Variants in C19orf81 observed in about 807,000 individuals in gnomAD.
C19orf81 encodes the protein putative uncharacterized protein C19orf81.
C19orf81 carries 19 observed loss-of-function variants against 22.1 expected under a neutral mutation model. The ratio of observed to expected loss-of-function variants is 0.86; its 90% confidence interval spans 0.60 to 1.26. C19orf81 has a LOEUF of 1.26. C19orf81 is among the 50% of genes most tolerant of loss of function. C19orf81 has a pLI of 0.00. For synonymous variants in C19orf81, 108 were observed against 113.1 expected (o/e 0.95, Z 0.29); for missense variants, 287 against 280.7 (o/e 1.02, Z -0.16).
At position 50,659,074 on chromosome 19, in the gene C19orf81, C is replaced by A. The variant is rs1183268143; in HGVS notation, c.529C>A (p.Leu177Met). 6.6e-7 allele frequency: 1 copy of A among 1,517,712 alleles called. No homozygotes were observed. The highest frequency in any genetic ancestry group is 8.8e-7 in the Non-Finnish European group (1 of 1,137,546). The allele number at this position is 1,517,712 out of a possible 1,614,324, so 94.0% of individuals were successfully genotyped here. A position where few individuals can be genotyped will look rare whatever the true frequency, so the allele number is the denominator to read the frequency against. Reference sequence around the variant, plus strand: ...CCTGCTGGGCGACTACCGCCTGCACCTGCGCCGCTCCCTGGTCCGGCGGCG... The same window carrying A: ...CCTGCTGGGCGACTACCGCCTGCACATGCGCCGCTCCCTGGTCCGGCGGCG... The part of the protein sequence containing the change: ...DLLLGDYRLH[L>M]RRSLVRRRML... The change falls in exon 5 of 5, where the codon CTG (leucine) becomes ATG (methionine). Residue 177 changes from leucine to methionine, a missense_variant. Transcript: ENST00000425202.
In C19orf81 at chr19:50,659,080, C is replaced by G. The variant is rs755959661; in HGVS notation, c.535C>G (p.Arg179Gly). 3 of 1,514,008 alleles carry G rather than the reference C, an allele frequency of 2.0e-6. No individual in the cohort carries two copies. Among genetic ancestry groups the G allele is most frequent in the Non-Finnish European group, 2.6e-6 (3 of 1,135,508 alleles). 93.8% of individuals were successfully genotyped at this position (1,514,008 alleles called of 1,614,324 possible). Residue 179 changes from arginine (R) to glycine (G), a missense_variant, in exon 5 of 5, where the codon CGC becomes GGC. Coordinates refer to ENST00000425202, the MANE Select transcript of C19orf81 (RefSeq NM_001195076.2). ...LLGDYRLHLRRSLVRRRMLEA... is the reference protein window; with the variant it reads ...LLGDYRLHLRGSLVRRRMLEA... ...GGGCGACTACCGCCTGCACCTGCGC[C>G]GCTCCCTGGTCCGGCGGCGCATGCT... is the stretch of plus-strand genomic sequence containing the variant.
chr19:50,659,150 G>C lies in C19orf81; in HGVS notation c.*8G>C. The C allele has an allele frequency of 1.5e-6, 2 of 1,315,142 alleles. No homozygotes were observed. Among genetic ancestry groups the C allele is most frequent in the Non-Finnish European group, 1.9e-6 (2 of 1,033,894 alleles). 81.5% of individuals were successfully genotyped at this position (1,315,142 alleles called of 1,614,324 possible). On this transcript the variant is annotated 3_prime_UTR_variant, in exon 5 of 5. Coordinates refer to ENST00000425202, the MANE Select transcript of C19orf81 (RefSeq NM_001195076.2). ...CCGAACGAGGAGGCCTGACGCCCGGGCGGGCCCCGGCAGCGCTTGCGCACC... is the reference window on the plus strand; with the variant it reads ...CCGAACGAGGAGGCCTGACGCCCGGCCGGGCCCCGGCAGCGCTTGCGCACC...
intron 1 of C19orf81, among the ~76,000 whole-genome samples, chr19:50,651,528 C>G (rs1424203725): frequency 6.6e-6 from 1 of 151,998 alleles, no homozygotes; most frequent in Non-Finnish European, 1.5e-5. Context: ...ATCTCTTGGT[C>G]CCCAGCATCC....
rs936544902 is a variant in C19orf81, at chr19:50,659,148, G to C, written c.*6G>C. On this transcript the variant is annotated 3_prime_UTR_variant, in exon 5 of 5. Coordinates refer to ENST00000425202, the MANE Select transcript of C19orf81 (RefSeq NM_001195076.2). ...AGCCGAACGAGGAGGCCTGACGCCC[G>C]GGCGGGCCCCGGCAGCGCTTGCGCA... The C allele has an allele frequency of 3.8e-6, 5 of 1,326,740 alleles. No homozygotes were observed. The African/African-American group carries it at 6.2e-5, about 16-fold the overall frequency. The allele number at this position is 1,326,740 out of a possible 1,614,324, so 82.2% of individuals were successfully genotyped here. A position where few individuals can be genotyped will look rare whatever the true frequency, so the allele number is the denominator to read the frequency against.
intron 3 of C19orf81, among the ~76,000 whole-genome samples, chr19:50,657,000 G>T (rs1985010522): frequency 6.7e-6 from 1 of 150,262 alleles, no homozygotes; most frequent in Non-Finnish European, 1.5e-5. Context: ...AGGAAGGGAG[G>T]GAGGGAAAGG....
chr19:50,651,253 T>C (rs189664398), intron 1 of C19orf81, among the ~76,000 whole-genome samples: 37 of 152,340 alleles, frequency 2.4e-4, no homozygotes, highest in Non-Finnish European at 4.7e-4. Context: ...TGGGAAGTTC[T>C]TGCAGGTGAC....
intron 1 of C19orf81, among the ~76,000 whole-genome samples, chr19:50,650,678 AAAACAAAC>A (rs767800292): frequency 6.6e-6 from 1 of 152,180 alleles, no homozygotes; most frequent in Admixed American, 6.5e-5. Context: ...CTCAAAAAAC[AAAACAAAC>A]AAACAAACAA....
intron 1 of C19orf81, among the ~76,000 whole-genome samples, chr19:50,653,393 T>TGC (rs1984919393): frequency 4.0e-5 from 6 of 151,548 alleles, no homozygotes; most frequent in Admixed American, 3.9e-4. Flanking sequence ...AGTAAGCACA[T>TGC]AGTTATATTG....
Position 50,656,234 on chromosome 19 carries a change from A to G in C19orf81, c.149A>G (p.Tyr50Cys). 1 of 1,536,098 alleles carries G rather than the reference A, an allele frequency of 6.5e-7. No individual in the cohort carries two copies. Among genetic ancestry groups the G allele is most frequent in the Non-Finnish European group, 8.7e-7 (1 of 1,146,854 alleles). ...LGRPIKSSKQ[Y>C]LRQVIAEYEA... ...GTTCGCTCTCTCCCTAGAAAGCAGT[A>G]CCTGCGGCAGGTCATTGCAGAGTAC... Residue 50 changes from tyrosine to cysteine, a missense_variant, in exon 3 of 5, where the codon TAC (tyrosine) becomes TGC (cysteine). Physicochemically the swap from Tyr to Cys is radical, Grantham distance 194. Transcript: ENST00000425202.
intron 1 of C19orf81, among the ~76,000 whole-genome samples, chr19:50,653,682 GCACACACACACACACACACA>G (rs57915687): frequency 0.025 from 3,016 of 121,918 alleles, 110 homozygotes; most frequent in African/African-American, 0.076. Flanking sequence ...ATGAGAGACA[GCACACACACACACACACACA>G]CACACACACA....
intron 3 of C19orf81, among the ~76,000 whole-genome samples, chr19:50,657,470 CTG>C (rs1985020837): frequency 6.6e-6 from 1 of 152,184 alleles, no homozygotes; most frequent in Non-Finnish European, 1.5e-5. Context: ...CGTGATGCAA[CTG>C]TGTTTAGTGA....
chr19:50,656,275 G>C lies in C19orf81; in HGVS notation c.190G>C (p.Glu64Gln). Residue 64 changes from glutamate (E) to glutamine (Q), a missense_variant, in exon 3 of 5, where the codon GAA becomes CAA. By Grantham distance (29) the Glu-to-Gln change is conservative (BLOSUM62 2). Transcript: ENST00000425202. ...VIAEYEALDRELPCIRKFPTP... is the reference protein window; with the variant it reads ...VIAEYEALDRQLPCIRKFPTP... ...TGCAGAGTACGAGGCACTGGACCGA[G>C]AACTCCCGTGCATCCGGAAGTTCCC... is the stretch of plus-strand genomic sequence containing the variant. 1 of 1,536,178 alleles carries C rather than the reference G, an allele frequency of 6.5e-7. No individual in the cohort carries two copies. The highest frequency in any genetic ancestry group is 8.7e-7 in the Non-Finnish European group (1 of 1,146,920).
At position 50,657,968 on chromosome 19, in the gene C19orf81, T is replaced by G. The variant is rs58421632; in HGVS notation, c.262-21T>G. On this transcript the variant is annotated intron_variant, in intron 3 of 4. Coordinates refer to ENST00000425202, the MANE Select transcript of C19orf81 (RefSeq NM_001195076.2). ...TGAACCAGGAGGCCACGGGCTGAGGTTCTCTCTCCGACACCCGCAGCCCGA... is the reference window on the plus strand; with the variant it reads ...TGAACCAGGAGGCCACGGGCTGAGGGTCTCTCTCCGACACCCGCAGCCCGA... 7,248 of 1,514,272 alleles carry G rather than the reference T, an allele frequency of 4.8e-3. 300 individuals carry two copies. In the African/African-American group the frequency reaches 0.087, roughly 18 times the overall value. The allele number at this position is 1,514,272 out of a possible 1,614,324, so 93.8% of individuals were successfully genotyped here.
chr19:50,655,899 G>A, intron 1 of C19orf81, 151 bp from the exon 2 acceptor site: 1 of 720,048 alleles, frequency 1.4e-6, no homozygotes, highest in Non-Finnish European at 2.3e-6. Flanking sequence ...GGTGTCATGG[G>A]GTGGAGTTTG....
intron 4 of C19orf81, 58 bp from the exon 5 acceptor site, chr19:50,658,889 T>C: frequency 1.5e-6 from 2 of 1,359,458 alleles, no homozygotes; most frequent in Non-Finnish European, 9.6e-7. Context: ...TCTTCGACGA[T>C]CAAAGCCAGG....
intron 4 of C19orf81, chr19:50,658,720 G>T: frequency 2.4e-6 from 1 of 415,876 alleles, no homozygotes; most frequent in East Asian, 3.6e-5. Flanking sequence ...TTGAGATGGA[G>T]CCTCGACAGA....
chr19:50,651,967 T>C (rs776169187), intron 1 of C19orf81, among the ~76,000 whole-genome samples: 2 of 152,180 alleles, frequency 1.3e-5, no homozygotes, highest in Non-Finnish European at 2.9e-5. Context: ...TTAACGCTTG[T>C]ACAAGGCTAT....
rs759492228 is a variant in C19orf81, at chr19:50,659,032, G to A, written c.487G>A (p.Val163Met). 5.9e-6 allele frequency: 9 copies of A among 1,529,206 alleles called. No homozygotes were observed. The South Asian group carries it at 8.4e-5, about 14-fold the overall frequency. 94.7% of individuals were successfully genotyped at this position (1,529,206 alleles called of 1,614,324 possible). A position where few individuals can be genotyped will look rare whatever the true frequency, so the allele number is the denominator to read the frequency against. The change falls in exon 5 of 5, where the codon GTG becomes ATG. Residue 163 changes from valine to methionine, a missense_variant. Transcript: ENST00000425202. ...TCCCCGCGGGCTTGCGCACCAGATC[G>A]TGCGCCACGACGACCTCCTGCTGGG... is the stretch of plus-strand genomic sequence containing the variant. ...LSPRGLAHQI[V>M]RHDDLLLGDY...
At chr19:50,651,958 T>A (rs1984887076) in intron 1 of C19orf81, among the ~76,000 whole-genome samples, 1 of 152,226 alleles carries the variant, frequency 6.6e-6, no homozygotes, top group African/African-American at 2.4e-5. Context: ...TTGATTCATT[T>A]AACGCTTGTA....
Sources: gnomAD v4.1 joint callset for allele counts (sites outside exome capture counted in the v4.1 genomes callset) on GRCh38, gnomAD v4.1.1 for gene constraint, MANE v1.5 for transcripts, NCBI Gene and HGNC (gene_info 2026-07-23, HGNC 2026-07-21) for gene names.